ICA1L: variants seen among roughly 807,000 people sequenced by gnomAD.
The protein encoded by ICA1L is islet cell autoantigen 1 like.
ICA1L carries 50 observed loss-of-function variants against 61.3 expected under a neutral mutation model. The observed-to-expected ratio is 0.82, with a 90% confidence interval of 0.65 to 1.03. The LOEUF (loss-of-function observed/expected upper bound fraction) is 1.03. Among genes scored for constraint, ICA1L ranks in the 50% least tolerant of loss-of-function variants. The pLI is 0.00. For missense variants in ICA1L, 508 were observed against 556.7 expected (o/e 0.91, Z 0.88); for synonymous variants, 161 against 191.3 (o/e 0.84, Z 1.31).
chr2:202,789,079 C>T lies in ICA1L; in HGVS notation c.994G>A (p.Asp332Asn). ...QFSNSENVAK[D>N]LPVDSLEGED... Reference sequence around the variant, plus strand: ...CCTTCCAATGAATCTACAGGTAGATCTTTTGCAACTATTGAGTGTAAATAA... The same window carrying T: ...CCTTCCAATGAATCTACAGGTAGATTTTTTGCAACTATTGAGTGTAAATAA... The change falls in exon 11 of 13, where the codon GAT becomes AAT. Residue 332 changes from aspartate to asparagine, a missense_variant. Physicochemically the swap from Asp to Asn is conservative, Grantham distance 23 (BLOSUM62 1). Transcript: ENST00000358299. 1 of 1,607,480 alleles carries T rather than the reference C, an allele frequency of 6.2e-7. No homozygotes were observed. Among genetic ancestry groups the T allele is most frequent in the Non-Finnish European group, 8.5e-7 (1 of 1,177,644 alleles).
At chr2:202,817,371 A>G in intron 6 of ICA1L, 47 bp downstream of exon 6, 2 of 1,478,930 alleles carry the variant, frequency 1.4e-6, no homozygotes, top group Non-Finnish European at 1.8e-6. Flanking sequence ...AAGAAATCTC[A>G]CCACTCATCT....
At chr2:202,832,118 G>A (rs1285939696) in intron 1 of ICA1L, among the ~76,000 whole-genome samples, 1 of 152,224 alleles carries the variant, frequency 6.6e-6, no homozygotes, top group Non-Finnish European at 1.5e-5. Context: ...CTCCAGAGGA[G>A]ACAGTTTGGA....
Position 202,782,639 on chromosome 2 carries a change from C to T in ICA1L, c.1334-2991G>A, listed in dbSNP as rs1160027422. On this transcript the variant is annotated intron_variant, in intron 12 of 12. Coordinates refer to ENST00000358299, the MANE Select transcript of ICA1L (RefSeq NM_001288622.3). ...GGCCAGGCTGGTCTTGAACTCCTGA[C>T]CTCGTGATCTGCCCACCTTGGCCTC... Among the ~76,000 whole-genome samples, 6 of 152,144 alleles carry T rather than the reference C, an allele frequency of 3.9e-5. No individual in the cohort carries two copies. In the East Asian group the frequency reaches 1.2e-3, roughly 30 times the overall value.
At chr2:202,794,404 G>A (rs1010361867) in intron 10 of ICA1L, among the ~76,000 whole-genome samples, 2 of 149,160 alleles carry the variant, frequency 1.3e-5, no homozygotes, top group African/African-American at 4.9e-5. Context: ...AAGAAAGTAA[G>A]TATGGATGGA....
At chr2:202,814,974 C>CT (rs1270017530) in intron 7 of ICA1L, among the ~76,000 whole-genome samples, 190 bp from the exon 8 acceptor site, 1 of 152,198 alleles carries the variant, frequency 6.6e-6, no homozygotes, top group Non-Finnish European at 1.5e-5. Flanking sequence ...CTTGTTTCTC[C>CT]TGGCTGCCTG....
At chr2:202,821,544 C>G in intron 3 of ICA1L, 63 bp from the exon 4 acceptor site, 1 of 1,268,442 alleles carries the variant, frequency 7.9e-7, no homozygotes, top group Non-Finnish European at 1.1e-6. Context: ...AACATACACA[C>G]AACTAAAAAT....
Position 202,778,508 on chromosome 2 carries a change from A to ATGTC in ICA1L, c.*1021_*1024dup, listed in dbSNP as rs1422450770. 1 of 152,194 alleles carries ATGTC rather than the reference A, an allele frequency of 6.6e-6. No homozygotes were observed. Among genetic ancestry groups the ATGTC allele is most frequent in the Non-Finnish European group, 1.5e-5 (1 of 68,024 alleles). 9.4% of individuals were successfully genotyped at this position (152,194 alleles called of 1,614,324 possible). On this transcript the variant is annotated 3_prime_UTR_variant, in exon 13 of 13. Coordinates refer to ENST00000358299, the MANE Select transcript of ICA1L (RefSeq NM_001288622.3). ...TTATTGATCACACAGAGCTTTCTGTATGTCTGCCAGAAAGTATTCTGGGTT... is the reference window on the plus strand; with the variant it reads ...TTATTGATCACACAGAGCTTTCTGTATGTCTGTCTGCCAGAAAGTATTCTGGGTT...
In ICA1L at chr2:202,819,760, T is replaced by C. The variant is rs775725154; in HGVS notation, c.499A>G (p.Lys167Glu). ...TEYRGALLWM[K>E]DVSQELDPDT... ...GGGTCCAGCTCTTGGGATACATCTT[T>C]CATCCACAGTAGAGCTCCTCTGTAT... The change falls in exon 5 of 13, where the codon AAA becomes GAA. Residue 167 changes from lysine to glutamate, a missense_variant. Physicochemically the swap from Lys to Glu is moderately conservative, Grantham distance 56. Coordinates refer to ENST00000358299, the MANE Select transcript of ICA1L (RefSeq NM_001288622.3). 1 of 1,614,158 alleles carries C rather than the reference T, an allele frequency of 6.2e-7. No individual in the cohort carries two copies. Among genetic ancestry groups the C allele is most frequent in the Non-Finnish European group, 8.5e-7 (1 of 1,179,984 alleles).
intron 11 of ICA1L, among the ~76,000 whole-genome samples, chr2:202,787,144 G>T (rs916334478): frequency 6.6e-6 from 1 of 152,210 alleles, no homozygotes; most frequent in Non-Finnish European, 1.5e-5. Context: ...GGCAGGGGCA[G>T]ATTTTGGTCC....
chr2:202,827,648 A>G (rs763725702), intron 2 of ICA1L, among the ~76,000 whole-genome samples: 1 of 152,206 alleles, frequency 6.6e-6, no homozygotes, highest in African/African-American at 2.4e-5. Context: ...CCAAAACCTT[A>G]TATATTCCCA....
chr2:202,819,669 A>G, intron 5 of ICA1L, 32 bp downstream of exon 5: 1 of 1,503,260 alleles, frequency 6.7e-7, no homozygotes, highest in South Asian at 1.1e-5. Context: ...TATTTCATAC[A>G]CCAAGAAAAG....
chr2:202,870,968 A>G (rs762605482), intron 1 of ICA1L: 2 of 152,204 alleles, frequency 1.3e-5, no homozygotes, highest in African/African-American at 2.4e-5. Context: ...TCCAGGAGCC[A>G]TATCTGTGCC....
chr2:202,797,177 T>G (rs1464895763), intron 9 of ICA1L, among the ~76,000 whole-genome samples: 2 of 151,848 alleles, frequency 1.3e-5, no homozygotes, highest in African/African-American at 4.8e-5. Context: ...TGTATATAAA[T>G]GAAACATAAT....
intron 7 of ICA1L, 26 bp downstream of exon 7, chr2:202,815,885 A>G: frequency 7.1e-7 from 1 of 1,401,256 alleles, no homozygotes; most frequent in Non-Finnish European, 9.7e-7. Flanking sequence ...ATACATCTAA[A>G]CAAGAGAACA....
chr2:202,777,507 A>C lies in ICA1L; in HGVS notation c.*2026T>G, dbSNP rs1692262654. ...ATTCTGGGAAATTTCACTGAGTATA[A>C]AGGAAGACTTAAGTCTTCTGAAGAG... On this transcript the variant is annotated 3_prime_UTR_variant, in exon 13 of 13. Coordinates refer to ENST00000358299, the MANE Select transcript of ICA1L (RefSeq NM_001288622.3). 1 of 152,260 alleles carries C rather than the reference A, an allele frequency of 6.6e-6. No individual in the cohort carries two copies. 9.4% of individuals were successfully genotyped at this position (152,260 alleles called of 1,614,324 possible). A position where few individuals can be genotyped will look rare whatever the true frequency, so the allele number is the denominator to read the frequency against.
chr2:202,847,285 A>C (rs1427343856), intron 1 of ICA1L, among the ~76,000 whole-genome samples: 1 of 152,248 alleles, frequency 6.6e-6, no homozygotes, highest in Non-Finnish European at 1.5e-5. Context: ...CCAGAAAAAT[A>C]AGGGCAATTA....
intron 5 of ICA1L, among the ~76,000 whole-genome samples, chr2:202,818,807 T>G (rs1419956806): frequency 2.0e-5 from 3 of 152,236 alleles, no homozygotes; most frequent in Admixed American, 2.0e-4. Context: ...TCTCTTTATC[T>G]TCCCAGTCTT....
chr2:202,862,272 C>CAAAAAA (rs778355110), intron 1 of ICA1L, among the ~76,000 whole-genome samples: 10 of 62,974 alleles, frequency 1.6e-4, no homozygotes, highest in African/African-American at 7.5e-4. Flanking sequence ...CTCATTTCTA[C>CAAAAAA]AAAAAAAAAA....
chr2:202,816,015 A>T lies in ICA1L; in HGVS notation c.685-6T>A. On this transcript the variant is annotated splice_region_variant and splice_polypyrimidine_tract_variant and intron_variant, in intron 6 of 12. Transcript: ENST00000358299. ...CAGAATCCAAGCAGTGTTCTCTGCA[A>T]AAAAAGAAAAGGTGACACTACAGTT... 1 of 1,575,506 alleles carries T rather than the reference A, an allele frequency of 6.3e-7. No homozygotes were observed. Among genetic ancestry groups the T allele is most frequent in the South Asian group, 1.2e-5 (1 of 85,740 alleles).
Sources: allele counts gnomAD v4.1 joint callset (sites outside exome capture counted in the v4.1 genomes callset), GRCh38; gene constraint gnomAD v4.1.1; transcripts MANE v1.5; gene names NCBI Gene and HGNC (gene_info 2026-07-23, HGNC 2026-07-21).